HDAC9: variants seen among roughly 807,000 people sequenced by gnomAD.
HDAC9 encodes the protein MEF-2 interacting transcription repressor (MITR) protein.
In HDAC9, 41 loss-of-function variants were observed where a neutral mutation model predicts 139.4. The observed-to-expected ratio is 0.29, with a 90% CI of 0.23 to 0.38. The LOEUF is 0.38. HDAC9 is among the 10% of genes least tolerant of loss of function. HDAC9 has a pLI of 1.00. For missense variants in HDAC9, 1,147 were observed against 1,297.0 expected, an observed-to-expected ratio of 0.88 and a Z score of 1.78; for synonymous variants, 517 against 476.2, an observed-to-expected ratio of 1.09 and a Z score of -1.12.
At chr7:18,205,224 C>T (rs916906138) in intron 2 of HDAC9, among the ~76,000 whole-genome samples, 2 of 151,894 alleles carry the variant, frequency 1.3e-5, no homozygotes, top group Admixed American at 1.3e-4. Flanking sequence ...TACATTCTAA[C>T]ATATAATTAG....
chr7:18,777,880 C>A (rs980256969), intron 16 of HDAC9, among the ~76,000 whole-genome samples: 10 of 151,968 alleles, frequency 6.6e-5, no homozygotes, highest in African/African-American at 2.4e-4. Flanking sequence ...CACAGCCTCA[C>A]AGCAGAGACT....
intron 22 of HDAC9, among the ~76,000 whole-genome samples, chr7:18,883,608 T>G (rs1395854744): frequency 6.6e-6 from 1 of 152,038 alleles, no homozygotes; most frequent in Non-Finnish European, 1.5e-5. Context: ...AATAAAAGTT[T>G]TTTTCCTAAG....
intron 17 of HDAC9, among the ~76,000 whole-genome samples, chr7:18,804,790 ATTCTT>A (rs1216272917): frequency 2.0e-5 from 3 of 152,056 alleles, no homozygotes; most frequent in African/African-American, 7.2e-5. Context: ...TTGATGGAAG[ATTCTT>A]TTCTTTTCTT....
At chr7:18,165,516 G>C (rs1397929948) in intron 2 of HDAC9, among the ~76,000 whole-genome samples, 1 of 152,194 alleles carries the variant, frequency 6.6e-6, no homozygotes, top group Non-Finnish European at 1.5e-5. Flanking sequence ...GCTAGGTGCA[G>C]TGGCTCATGC....
chr7:18,183,868 T>TC (rs997756538), intron 2 of HDAC9, among the ~76,000 whole-genome samples: 2 of 152,144 alleles, frequency 1.3e-5, no homozygotes, highest in African/African-American at 4.8e-5. Context: ...GTCTTTCTCC[T>TC]CCCCTCCTCT....
intron 11 of HDAC9, 77 bp downstream of exon 11, chr7:18,648,760 T>A: frequency 8.0e-7 from 1 of 1,247,638 alleles, no homozygotes; most frequent in Non-Finnish European, 1.1e-6. Context: ...TATGGGTGTC[T>A]AAGAGGAATG....
At chr7:18,609,152 A>G (rs1007334286) in intron 6 of HDAC9, among the ~76,000 whole-genome samples, 1 of 152,166 alleles carries the variant, frequency 6.6e-6, no homozygotes, top group Non-Finnish European at 1.5e-5. Flanking sequence ...GTAGCTGTAC[A>G]TATGTGGTTC....
At chr7:18,387,076 C>T (rs1023669004) in intron 1 of HDAC9, among the ~76,000 whole-genome samples, 7 of 152,138 alleles carry the variant, frequency 4.6e-5, no homozygotes, top group Non-Finnish European at 2.9e-5. Flanking sequence ...ATGGAGCTTC[C>T]ATTTCTGAGG....
intron 21 of HDAC9, among the ~76,000 whole-genome samples, chr7:18,843,260 C>T (rs1796702119): frequency 6.6e-6 from 1 of 152,018 alleles, no homozygotes; most frequent in South Asian, 2.1e-4. Context: ...ATTATATAAC[C>T]CTTGCCTGCA....
intron 1 of HDAC9, among the ~76,000 whole-genome samples, chr7:18,322,061 TTC>T (rs1387125589): frequency 6.6e-6 from 1 of 152,164 alleles, no homozygotes; most frequent in Non-Finnish European, 1.5e-5. Context: ...CTCAGGTCCT[TTC>T]TCTCTTATTT....
At chr7:18,099,010 G>A (rs1782684530) in intron 1 of HDAC9, among the ~76,000 whole-genome samples, 1 of 152,084 alleles carries the variant, frequency 6.6e-6, no homozygotes, top group African/African-American at 2.4e-5. Context: ...TTGACAGGTT[G>A]GGGAAATGAG....
intron 1 of HDAC9, among the ~76,000 whole-genome samples, chr7:18,099,034 C>CTTTG (rs903989966): frequency 6.6e-6 from 1 of 152,090 alleles, no homozygotes; most frequent in Non-Finnish European, 1.5e-5. Flanking sequence ...GGGAACTTTC[C>CTTTG]TTTGTGACTT....
At chr7:18,177,088 C>G (rs1324838534) in intron 2 of HDAC9, among the ~76,000 whole-genome samples, 1 of 152,184 alleles carries the variant, frequency 6.6e-6, no homozygotes, top group East Asian at 1.9e-4. Flanking sequence ...TGATAATCCG[C>G]CTACCCATCT....
At chr7:18,349,231 C>A (rs1173337397) in intron 1 of HDAC9, among the ~76,000 whole-genome samples, 1 of 150,820 alleles carries the variant, frequency 6.6e-6, no homozygotes, top group African/African-American at 2.4e-5. Flanking sequence ...ACTGTCTTGC[C>A]TTAGGTAAGC....
At chr7:18,461,270 T>C (rs1793824488) in intron 1 of HDAC9, among the ~76,000 whole-genome samples, 1 of 152,154 alleles carries the variant, frequency 6.6e-6, no homozygotes, top group African/African-American at 2.4e-5. Context: ...TATTACAAAA[T>C]TCATAAAATT....
At chr7:18,406,821 TTC>T (rs1302738623) in intron 1 of HDAC9, among the ~76,000 whole-genome samples, 1 of 152,168 alleles carries the variant, frequency 6.6e-6, no homozygotes, top group South Asian at 2.1e-4. Flanking sequence ...TTTGTTTTTT[TTC>T]TCTCTTTTTC....
At position 18,396,074 on chromosome 7, in the gene HDAC9, G is replaced by T. The variant is rs191488853; in HGVS notation, c.-41-100188G>T. On this transcript the variant is annotated intron_variant, in intron 1 of 3. Coordinates refer to the HDAC9 transcript ENST00000413509. The stretch of plus-strand genomic sequence containing the variant: ...GATTGTCCTGCCAATGACTCTCAAA[G>T]TGTCATTCCCTTCCCTTCCCTTCCC... Among the ~76,000 whole-genome samples the T allele has an allele frequency of 6.2e-3, 539 of 87,366 alleles. 6 individuals are homozygous for T. Among genetic ancestry groups the T allele is most frequent in the Admixed American group, 0.017 (151 of 8,816 alleles). 57.3% of individuals were successfully genotyped at this position (87,366 alleles called of 152,430 possible). A position where few individuals can be genotyped will look rare whatever the true frequency, so the allele number is the denominator to read the frequency against.
chr7:18,471,985 A>G (rs1437711687), intron 1 of HDAC9, among the ~76,000 whole-genome samples: 1 of 152,230 alleles, frequency 6.6e-6, no homozygotes, highest in African/African-American at 2.4e-5. Context: ...TATTAATGCA[A>G]ACCAGGCTGC....
At chr7:18,706,977 A>G (rs1016329539) in intron 12 of HDAC9, among the ~76,000 whole-genome samples, 1 of 152,206 alleles carries the variant, frequency 6.6e-6, no homozygotes, top group Non-Finnish European at 1.5e-5. Flanking sequence ...GAGGCTGGGT[A>G]TGCAGCTTGG....
Sources: gnomAD v4.1 joint callset for allele counts (sites outside exome capture counted in the v4.1 genomes callset) on GRCh38, gnomAD v4.1.1 for gene constraint, MANE v1.5 for transcripts, NCBI Gene and HGNC (gene_info 2026-07-23, HGNC 2026-07-21) for gene names.